RNF180: variants seen among roughly 807,000 people sequenced by gnomAD.
RNF180 encodes the protein E3 ubiquitin-protein ligase RNF180.
A neutral mutation model predicts 59.2 loss-of-function variants in RNF180; 38 were observed. The ratio of observed to expected loss-of-function variants is 0.64; its 90% CI spans 0.50 to 0.84. The LOEUF (loss-of-function observed/expected upper bound fraction) is 0.84. Among genes scored for constraint, RNF180 ranks in the 40% least tolerant of loss-of-function variants. RNF180 has a pLI of 0.00. For missense variants in RNF180, 705 were observed against 700.9 expected, an observed-to-expected ratio of 1.01 and a Z score of -0.07; for synonymous variants, 262 against 240.3, an observed-to-expected ratio of 1.09 and a Z score of -0.84.
intron 7 of RNF180, among the ~76,000 whole-genome samples, chr5:64,351,606 A>T (rs1745814503): frequency 6.6e-6 from 1 of 151,850 alleles, no homozygotes; most frequent in Non-Finnish European, 1.5e-5. Flanking sequence ...GAGAGTTTTT[A>T]GCATGAATGG....
At chr5:64,303,165 T>A (rs1441916408) in intron 5 of RNF180, among the ~76,000 whole-genome samples, 1 of 151,640 alleles carries the variant, frequency 6.6e-6, no homozygotes, top group Non-Finnish European at 1.5e-5. Flanking sequence ...TATAAGATGG[T>A]GAACTTAATC....
At chr5:64,170,558 G>C (rs1241138765) in intron 1 of RNF180, among the ~76,000 whole-genome samples, 2 of 152,194 alleles carry the variant, frequency 1.3e-5, no homozygotes, top group African/African-American at 4.8e-5. Context: ...GGTTATGACA[G>C]TATTATCCTG....
Position 64,214,387 on chromosome 5 carries a change from C to G in RNF180, c.1061C>G (p.Pro354Arg). The G allele has an allele frequency of 6.2e-7, 1 of 1,614,092 alleles. No individual in the cohort carries two copies. ...TCAGACCAGGAAGAGCACCTCTCCC[C>G]TCTGGACTTCCTGCACTCAGCCAAT... is the stretch of plus-strand genomic sequence containing the variant. ...EASDQEEHLSPLDFLHSANFS... is the reference protein window; with the variant it reads ...EASDQEEHLSRLDFLHSANFS... The change falls in exon 4 of 8, where the codon CCT (proline) becomes CGT (arginine). Residue 354 changes from proline (P) to arginine (R), a missense_variant. Transcript: ENST00000389100.
chr5:64,300,736 C>CCATT (rs1191144260), intron 5 of RNF180, among the ~76,000 whole-genome samples: 1 of 151,762 alleles, frequency 6.6e-6, no homozygotes, highest in Non-Finnish European at 1.5e-5. Flanking sequence ...CTCTCCCCTG[C>CCATT]CATTGCACAG....
At chr5:64,265,152 A>G (rs527728691) in intron 5 of RNF180, among the ~76,000 whole-genome samples, 3 of 152,300 alleles carry the variant, frequency 2.0e-5, no homozygotes, top group East Asian at 3.9e-4. Flanking sequence ...GTAGATTGCA[A>G]AAATTTTCTT....
In RNF180 at chr5:64,285,760, C is replaced by T. The variant is rs533825219; in HGVS notation, c.1228-39426C>T. Among the ~76,000 whole-genome samples the T allele has an allele frequency of 5.9e-5, 9 of 152,222 alleles. No homozygotes were observed. In the East Asian group the frequency reaches 9.7e-4, roughly 16 times the overall value. ...AGACCTACCCTGCTCTGTCTAGGTC[C>T]GACAGTCACCCAAATGCTAAAGCCA... On this transcript the variant is annotated intron_variant, in intron 5 of 7. Transcript: ENST00000389100.
rs1352517719 is a variant in RNF180 at position 64,372,540 on chromosome 5, T to C, written c.*2726T>C. The C allele has an allele frequency of 2.6e-5, 4 of 152,092 alleles. No homozygotes were observed. In the Middle Eastern group the frequency reaches 0.01, roughly 388 times the overall value. The allele number at this position is 152,092 out of a possible 1,614,324, so 9.4% of individuals were successfully genotyped here. ...TGTGGCATAACAAAATTCCAGTTAA[T>C]AAAATTTTCATTTAAATGTCTTTTG... On this transcript the variant is annotated 3_prime_UTR_variant, in exon 8 of 8. Transcript: ENST00000389100.
intron 5 of RNF180, among the ~76,000 whole-genome samples, chr5:64,230,051 ATTTTTCTCC>A (rs139798671): frequency 0.022 from 3,320 of 152,202 alleles, 90 homozygotes; most frequent in African/African-American, 0.056. Context: ...TGGTTGCTGA[ATTTTTCTCC>A]TTTTATCTCT....
chr5:64,330,433 A>AT (rs1561265744), intron 7 of RNF180, 27 bp downstream of exon 7: 3 of 1,523,428 alleles, frequency 2.0e-6, no homozygotes, highest in Admixed American at 4.9e-5. Context: ...CCAAAAAAAA[A>AT]GTCTGGTAAT....
In RNF180 at chr5:64,188,631, T is replaced by G. The variant is rs560889459; in HGVS notation, c.1-12177T>G. ...AGATATTGATAATTGCTAAGGGAGC[T>G]CTAAGTTCTTTGGTCATTTCTCTTC... is the stretch of plus-strand genomic sequence containing the variant. On this transcript the variant is annotated intron_variant, in intron 1 of 7. Coordinates refer to ENST00000389100, the MANE Select transcript of RNF180 (RefSeq NM_001113561.2). Among the ~76,000 whole-genome samples, 12 of 152,314 alleles carry G rather than the reference T, an allele frequency of 7.9e-5. No individual in the cohort carries two copies. The South Asian group carries it at 2.3e-3, about 29-fold the overall frequency.
chr5:64,223,717 A>G (rs1266477958), intron 5 of RNF180, among the ~76,000 whole-genome samples: 3 of 151,978 alleles, frequency 2.0e-5, no homozygotes, highest in Non-Finnish European at 4.4e-5. Context: ...ACATTTTACT[A>G]TCATATATCT....
chr5:64,288,715 A>C (rs986524828), intron 5 of RNF180, among the ~76,000 whole-genome samples: 1 of 152,092 alleles, frequency 6.6e-6, no homozygotes. Flanking sequence ...GGTTTATAGG[A>C]ATGCTAGTGA....
rs940855285 is a variant in RNF180 at position 64,318,667 on chromosome 5, G to A, written c.1228-6519G>A. Among the ~76,000 whole-genome samples the A allele has an allele frequency of 5.3e-5, 8 of 152,158 alleles. No individual in the cohort carries two copies. The East Asian group carries it at 1.5e-3, about 29-fold the overall frequency. ...ATACTTATTCTGTTTCTTTTCAGCT[G>A]ATAGTTAAAAGTGGGATTATAGAAA... On this transcript the variant is annotated intron_variant, in intron 5 of 7. Transcript: ENST00000389100.
intron 5 of RNF180, among the ~76,000 whole-genome samples, chr5:64,265,084 T>A (rs1744579827): frequency 6.6e-6 from 1 of 152,224 alleles, no homozygotes; most frequent in Non-Finnish European, 1.5e-5. Flanking sequence ...GTTTGTTTTT[T>A]CTTGTAAATT....
chr5:64,354,256 T>TA (rs1227299993), intron 7 of RNF180, among the ~76,000 whole-genome samples: 3 of 151,730 alleles, frequency 2.0e-5, no homozygotes, highest in Admixed American at 6.6e-5. Context: ...GCTTAATAAA[T>TA]AAAAAACAGT....
intron 5 of RNF180, among the ~76,000 whole-genome samples, chr5:64,263,807 T>A (rs1744497845): frequency 6.6e-6 from 1 of 152,186 alleles, no homozygotes; most frequent in Non-Finnish European, 1.5e-5. Flanking sequence ...TTTAGTTACT[T>A]TAGTTACATC....
At chr5:64,200,252 G>C (rs1203384763) in intron 1 of RNF180, among the ~76,000 whole-genome samples, 1 of 152,002 alleles carries the variant, frequency 6.6e-6, no homozygotes, top group East Asian at 1.9e-4. Flanking sequence ...GTGCTACCAA[G>C]CAAGACCCTG....
chr5:64,199,591 A>G (rs1420188423), intron 1 of RNF180, among the ~76,000 whole-genome samples: 2 of 152,132 alleles, frequency 1.3e-5, no homozygotes, highest in Non-Finnish European at 2.9e-5. Flanking sequence ...AGTTTTACTC[A>G]TTTTCATGTT....
At chr5:64,264,497 T>A (rs1419654140) in intron 5 of RNF180, among the ~76,000 whole-genome samples, 1 of 152,174 alleles carries the variant, frequency 6.6e-6, no homozygotes. Flanking sequence ...TTTCTGTTCC[T>A]GTGTTAGTTT....
Sources: gnomAD v4.1 joint callset for allele counts (sites outside exome capture counted in the v4.1 genomes callset) on GRCh38, gnomAD v4.1.1 for gene constraint, MANE v1.5 for transcripts, NCBI Gene and HGNC (gene_info 2026-07-23, HGNC 2026-07-21) for gene names.